The following RAD50 variants were observed in gnomAD, a reference collection of about 807,000 sequenced individuals.
RAD50 encodes the protein RAD50 double strand break repair protein.
In RAD50, 132 loss-of-function variants were observed where a neutral mutation model predicts 168.8. The observed-to-expected ratio is 0.78, with a 90% CI of 0.68 to 0.90. The LOEUF (loss-of-function observed/expected upper bound fraction) is 0.90, where lower values mean the gene tolerates loss of function less well. RAD50 is among the 40% of genes least tolerant of loss of function. The pLI is 0.00. For missense variants in RAD50, 1,347 were observed against 1,534.4 expected (o/e 0.88, Z 2.04); for synonymous variants, 525 against 497.4 (o/e 1.06, Z -0.74).
chr5:132,598,143 G>C lies in RAD50; in HGVS notation c.2207+2333G>C, dbSNP rs146587020. On this transcript the variant is annotated intron_variant, in intron 13 of 24. Transcript: ENST00000378823. The stretch of plus-strand genomic sequence containing the variant: ...GCTCACTGCAATCTCCACCTCCCCG[G>C]TTCAAGCAATTCCCCTGCCTCAGCC... 3.6e-3 allele frequency among the ~76,000 whole-genome samples: 552 copies of C among 151,942 alleles called. 4 individuals carry two copies. The highest frequency in any genetic ancestry group is 0.011 in the African/African-American group (464 of 41,374).
rs1036366021 is a variant in RAD50, at chr5:132,645,203, A to G, written c.*2839A>G. 6 of 152,182 alleles carry G rather than the reference A, an allele frequency of 3.9e-5. No individual in the cohort carries two copies. Among genetic ancestry groups the G allele is most frequent in the Non-Finnish European group, 8.8e-5 (6 of 68,064 alleles). 9.4% of individuals were successfully genotyped at this position (152,182 alleles called of 1,614,324 possible). A position where few individuals can be genotyped will look rare whatever the true frequency, so the allele number is the denominator to read the frequency against. On this transcript the variant is annotated 3_prime_UTR_variant, in exon 25 of 25. Coordinates refer to ENST00000378823, the MANE Select transcript of RAD50 (RefSeq NM_005732.4). Reference sequence around the variant, plus strand: ...TTTCCTGTGGTCCTCAACCCCAGCAATTCTTTGACCCCACTGAGATTTCAA... The same window carrying G: ...TTTCCTGTGGTCCTCAACCCCAGCAGTTCTTTGACCCCACTGAGATTTCAA...
At chr5:132,606,829 A>G (rs781560127) in intron 16 of RAD50, among the ~76,000 whole-genome samples, 2 of 152,220 alleles carry the variant, frequency 1.3e-5, no homozygotes, top group Non-Finnish European at 2.9e-5. Context: ...GCAAATCAAT[A>G]AATGTAATCC....
Position 132,557,337 on chromosome 5 carries a change from G to T in RAD50, c.13G>T (p.Glu5Ter). MSRI[E>*]KMSILGVRSF... is the part of the protein sequence containing the mutation. Reference sequence around the variant, plus strand: ...AACGTTTGCAAACATGTCCCGGATCGAAAAGATGAGCATTCTGGGCGTGCG... The same window carrying T: ...AACGTTTGCAAACATGTCCCGGATCTAAAAGATGAGCATTCTGGGCGTGCG... Residue 5 changes from glutamate to a stop codon, truncating the protein, a stop_gained, in exon 1 of 25, where the codon GAA (glutamate) becomes TAA (stop). Transcript: ENST00000378823. LOFTEE classifies it high-confidence loss of function. 1 of 1,614,162 alleles carries T rather than the reference G, an allele frequency of 6.2e-7. No individual in the cohort carries two copies. Among genetic ancestry groups the T allele is most frequent in the African/African-American group, 1.3e-5 (1 of 75,062 alleles).
chr5:132,643,078 CT>C lies in RAD50; in HGVS notation c.*715del, dbSNP rs751888486. 1.9e-6 allele frequency: 1 copy of C among 529,822 alleles called. No homozygotes were observed. Among genetic ancestry groups the C allele is most frequent in the South Asian group, 1.5e-5 (1 of 65,028 alleles). The allele number at this position is 529,822 out of a possible 1,614,324, so 32.8% of individuals were successfully genotyped here. A position where few individuals can be genotyped will look rare whatever the true frequency, so the allele number is the denominator to read the frequency against. On this transcript the variant is annotated 3_prime_UTR_variant, in exon 25 of 25. Transcript: ENST00000378823. The stretch of plus-strand genomic sequence containing the variant: ...TGTGCACACCCACCTTTGGAAAGCT[CT>C]GACCACTTGAGGCCTGATCTGCCCA...
intron 21 of RAD50, among the ~76,000 whole-genome samples, chr5:132,618,501 C>G (rs1230712250): frequency 2.0e-5 from 3 of 152,164 alleles, no homozygotes; most frequent in African/African-American, 7.2e-5. Flanking sequence ...GCCTCATCCT[C>G]CCAAGTAGCT....
intron 21 of RAD50, among the ~76,000 whole-genome samples, chr5:132,629,697 T>C (rs1751430427): frequency 6.6e-6 from 1 of 152,236 alleles, no homozygotes; most frequent in Non-Finnish European, 1.5e-5. Context: ...CCCTCATTCT[T>C]TCACGTCTTA....
In RAD50 at chr5:132,579,260, T is replaced by C. The variant is rs1580986991; in HGVS notation, c.366-57T>C. On this transcript the variant is annotated intron_variant, in intron 3 of 24. Transcript: ENST00000378823. ...AGTACAGTATGAATTGATTAAGCAA[T>C]AGAATAGATACACTGAAGGTTATTT... The C allele has an allele frequency of 9.8e-6, 15 of 1,531,860 alleles. No homozygotes were observed. In the East Asian group the frequency reaches 3.4e-4, roughly 35 times the overall value. 94.9% of individuals were successfully genotyped at this position (1,531,860 alleles called of 1,614,324 possible). A position where few individuals can be genotyped will look rare whatever the true frequency, so the allele number is the denominator to read the frequency against.
intron 19 of RAD50, among the ~76,000 whole-genome samples, chr5:132,613,687 T>G (rs1751127511): frequency 6.7e-6 from 1 of 148,708 alleles, no homozygotes; most frequent in African/African-American, 2.5e-5. Flanking sequence ...CACTGCAACA[T>G]TCGCCTCCCG....
At chr5:132,592,819 T>C in intron 11 of RAD50, 1 of 470,962 alleles carries the variant, frequency 2.1e-6, no homozygotes, top group Non-Finnish European at 4.4e-6. Context: ...TTTGAAGAAA[T>C]GCTTTAGGAA....
rs1554099887 is a variant in RAD50 at position 132,618,256 on chromosome 5, G to C, written c.3351G>C (p.Val1117=). The change falls in exon 21 of 25, where the codon GTG becomes GTC. Residue 1117 remains valine, a synonymous_variant. Coordinates refer to ENST00000378823, the MANE Select transcript of RAD50 (RefSeq NM_005732.4). The stretch of plus-strand genomic sequence containing the variant: ...TTGTTATGAGGACAACAGAACTTGT[G>C]AACAAGGATCTGGATATTTATTATA... ...MMIVMRTTEL[V]NKDLDIYYKT... The C allele has an allele frequency of 6.2e-7, 1 of 1,614,010 alleles. No individual in the cohort carries two copies. Among genetic ancestry groups the C allele is most frequent in the Non-Finnish European group, 8.5e-7 (1 of 1,179,970 alleles).
chr5:132,615,459 G>T (rs1299419479), intron 19 of RAD50, among the ~76,000 whole-genome samples: 1 of 152,082 alleles, frequency 6.6e-6, no homozygotes, highest in Non-Finnish European at 1.5e-5. Flanking sequence ...TACCTAACAG[G>T]TTCTAATGGT....
intron 21 of RAD50, among the ~76,000 whole-genome samples, chr5:132,623,745 C>T (rs1005603536): frequency 2.0e-4 from 31 of 152,146 alleles, no homozygotes; most frequent in African/African-American, 7.5e-4. Context: ...TCTTCCTTAG[C>T]ACTAAGAGAG....
In RAD50 at chr5:132,609,272, CT is replaced by C. The variant is rs2066742; in HGVS notation, c.2923-5del. 6.2e-7 allele frequency: 1 copy of C among 1,609,994 alleles called. No individual in the cohort carries two copies. Among genetic ancestry groups the C allele is most frequent in the Non-Finnish European group, 8.5e-7 (1 of 1,178,826 alleles). ...TTTATTCATGTGCTTAAAGAATTTTCTTTTTTGTAGCAAAAAGAAACTGAAC... is the reference window on the plus strand; with the variant it reads ...TTTATTCATGTGCTTAAAGAATTTTCTTTTTGTAGCAAAAAGAAACTGAAC... On this transcript the variant is annotated splice_polypyrimidine_tract_variant and intron_variant, in intron 18 of 24. Coordinates refer to ENST00000378823, the MANE Select transcript of RAD50 (RefSeq NM_005732.4).
At position 132,603,294 on chromosome 5, in the gene RAD50, A is replaced by G. The variant is rs1750919353; in HGVS notation, c.2208-6A>G. 2.5e-6 allele frequency: 4 copies of G among 1,605,988 alleles called. No individual in the cohort carries two copies. Among genetic ancestry groups the G allele is most frequent in the African/African-American group, 2.7e-5 (2 of 74,644 alleles). On this transcript the variant is annotated splice_polypyrimidine_tract_variant and splice_region_variant and intron_variant, in intron 13 of 24. Coordinates refer to ENST00000378823, the MANE Select transcript of RAD50 (RefSeq NM_005732.4). The stretch of plus-strand genomic sequence containing the variant: ...TACTTTATTTTTAATTGTGTTTTCT[A>G]TTTAGGCAAAGCATAATTGATTTGA...
At chr5:132,621,372 A>G (rs966593422) in intron 21 of RAD50, among the ~76,000 whole-genome samples, 4 of 152,212 alleles carry the variant, frequency 2.6e-5, no homozygotes, top group African/African-American at 7.2e-5. Flanking sequence ...TCTCATCTGC[A>G]TTATTTCTTT....
chr5:132,608,894 G>A (rs1181045568), intron 17 of RAD50, among the ~76,000 whole-genome samples, 169 bp downstream of exon 17: 1 of 152,190 alleles, frequency 6.6e-6, no homozygotes, highest in East Asian at 1.9e-4. Flanking sequence ...ACAAGGATTT[G>A]ATGTAAATTA....
chr5:132,608,846 T>A, intron 17 of RAD50, 121 bp downstream of exon 17: 2 of 1,417,284 alleles, frequency 1.4e-6, no homozygotes, highest in Non-Finnish European at 1.9e-6. Flanking sequence ...TATTTTCAGA[T>A]TCATGGTATA....
At chr5:132,575,682 C>A in intron 2 of RAD50, 95 bp from the exon 3 acceptor site, 1 of 1,194,682 alleles carries the variant, frequency 8.4e-7, no homozygotes, top group Non-Finnish European at 1.2e-6. Flanking sequence ...CTTTTTGTTC[C>A]CTCATTTTGG....
rs572923506 is a variant in RAD50 at position 132,570,822 on chromosome 5, C to T, written c.214-4955C>T. ...TCCTTTGCCCTCACAACTCAGCTAA[C>T]TGATGAAAGAGGCCTAACTTTCAAC... On this transcript the variant is annotated intron_variant, in intron 2 of 24. Transcript: ENST00000378823. Among the ~76,000 whole-genome samples the T allele has an allele frequency of 9.7e-4, 148 of 152,338 alleles. 1 individual carries two copies. Among genetic ancestry groups the T allele is most frequent in the African/African-American group, 3.5e-3 (145 of 41,576 alleles).
Sources: allele counts gnomAD v4.1 joint callset (sites outside exome capture counted in the v4.1 genomes callset), GRCh38; gene constraint gnomAD v4.1.1; transcripts MANE v1.5; gene names NCBI Gene and HGNC (gene_info 2026-07-23, HGNC 2026-07-21).